LRRC7: variants seen among roughly 807,000 people sequenced by gnomAD.
The protein encoded by LRRC7 is leucine rich repeat containing 7.
A neutral mutation model predicts 175.7 loss-of-function variants in LRRC7; 23 were observed. That is an observed-to-expected ratio of 0.13 (90% CI 0.09 to 0.19). The LOEUF (loss-of-function observed/expected upper bound fraction) is 0.19. Ranked by LOEUF, LRRC7 falls within the 10% of genes least tolerant of loss-of-function variation. LRRC7 has a pLI of 1.00. For missense variants in LRRC7, 1,354 were observed against 1,904.7 expected (o/e 0.71, Z 5.38); for synonymous variants, 685 against 680.9 (o/e 1.01, Z -0.09).
chr1:69,760,520 T>A, intron 3 of LRRC7, 127 bp downstream of exon 3: 1 of 754,432 alleles, frequency 1.3e-6, no homozygotes, highest in Non-Finnish European at 2.2e-6. Flanking sequence ...GAAATTGATA[T>A]AACTTCCCCC....
At chr1:69,788,533 A>G (rs1406439679) in intron 3 of LRRC7, among the ~76,000 whole-genome samples, 1 of 152,254 alleles carries the variant, frequency 6.6e-6, no homozygotes, top group Non-Finnish European at 1.5e-5. Context: ...GACTCATACC[A>G]TTCACTCCAA....
chr1:69,895,869 G>A (rs1022980974), intron 7 of LRRC7, among the ~76,000 whole-genome samples: 5 of 152,078 alleles, frequency 3.3e-5, no homozygotes, highest in East Asian at 3.9e-4. Context: ...AGATTTGGGC[G>A]ATTGCAAATA....
chr1:69,608,216 A>C (rs1647958232), intron 1 of LRRC7: 1 of 152,184 alleles, frequency 6.6e-6, no homozygotes, highest in South Asian at 2.1e-4. Flanking sequence ...TTTGTCATTT[A>C]CCAATTTCTG....
chr1:69,677,162 A>C (rs1008089439), intron 1 of LRRC7, among the ~76,000 whole-genome samples: 7 of 145,118 alleles, frequency 4.8e-5, no homozygotes, highest in African/African-American at 1.8e-4. Context: ...GTGTGTGTAG[A>C]TATATATGAG....
Position 69,788,338 on chromosome 1 carries a change from C to A in LRRC7, c.304-3705C>A, listed in dbSNP as rs1569871953. Among the ~76,000 whole-genome samples the A allele has an allele frequency of 2.0e-5, 3 of 152,162 alleles. No homozygotes were observed. The East Asian group carries it at 5.8e-4, about 29-fold the overall frequency. On this transcript the variant is annotated intron_variant, in intron 3 of 26. Transcript: ENST00000651989. ...TCAGAGCTCATTTTATACAATAAAG[C>A]AGTGAGTGAGTGTGAGGGTGTTTAG...
rs1252458393 is a variant in LRRC7, at chr1:70,134,985, GGT to G, written c.*13099_*13100del. 6.6e-6 allele frequency among the ~76,000 whole-genome samples: 1 copy of G among 151,952 alleles called. No individual in the cohort carries two copies. The highest frequency in any genetic ancestry group is 2.4e-5 in the African/African-American group (1 of 41,374). Reference sequence around the variant, plus strand: ...TATTTTCCATAACCTTTTAATGATAGGTTTAGTTGTAAAATCCAGAACTATTT... The same window carrying G: ...TATTTTCCATAACCTTTTAATGATAGTTAGTTGTAAAATCCAGAACTATTT... On this transcript the variant is annotated 3_prime_UTR_variant, in exon 27 of 27. Coordinates refer to ENST00000651989, the MANE Select transcript of LRRC7 (RefSeq NM_001370785.2).
Position 69,986,300 on chromosome 1 carries a change from C to T in LRRC7, c.845C>T (p.Thr282Ile). 1 of 1,613,300 alleles carries T rather than the reference C, an allele frequency of 6.2e-7. No homozygotes were observed. Among genetic ancestry groups the T allele is most frequent in the Non-Finnish European group, 8.5e-7 (1 of 1,179,518 alleles). Reference protein sequence around the residue: ...YLDMSKNRIETVDMDISGCEA... With the variant: ...YLDMSKNRIEIVDMDISGCEA... ...GATATGTCAAAAAACAGAATAGAAA[C>T]AGTTGACATGGACATTTCTGGATGT... The change falls in exon 10 of 27, where the codon ACA (threonine) becomes ATA (isoleucine). Residue 282 changes from threonine (T) to isoleucine (I), a missense_variant. Physicochemically the swap from Thr to Ile is moderately conservative, Grantham distance 89. Around this residue, in one of 4 missense-constraint regions of LRRC7, gnomAD observed 201 missense variants for 481.4 expected, o/e 0.42. Transcript: ENST00000651989.
intron 7 of LRRC7, among the ~76,000 whole-genome samples, chr1:69,846,302 T>C (rs938960459): frequency 9.9e-5 from 15 of 152,076 alleles, no homozygotes; most frequent in African/African-American, 3.6e-4. Context: ...AGAATGATAA[T>C]ATTATGGTTA....
rs147212817 is a variant in LRRC7, at chr1:70,130,663, T to C, written c.*8776T>C. Among the ~76,000 whole-genome samples, 324 of 152,364 alleles carry C rather than the reference T, an allele frequency of 2.1e-3. 1 individual carries two copies. The highest frequency in any genetic ancestry group is 6.7e-3 in the African/African-American group (279 of 41,584). On this transcript the variant is annotated 3_prime_UTR_variant, in exon 27 of 27. Transcript: ENST00000651989. The stretch of plus-strand genomic sequence containing the variant: ...CAAAAAGTTTAAGAAGTGGCTTTTA[T>C]TTAATTGGAGCACACCATATCTATC...
intron 2 of LRRC7, among the ~76,000 whole-genome samples, chr1:69,735,906 C>A (rs1668062960): frequency 6.6e-6 from 1 of 151,900 alleles, no homozygotes; most frequent in Non-Finnish European, 1.5e-5. Flanking sequence ...CCACCCCACA[C>A]ATTATCACTA....
At chr1:69,726,936 G>A (rs866131206) in intron 2 of LRRC7, among the ~76,000 whole-genome samples, 6 of 152,300 alleles carry the variant, frequency 3.9e-5, no homozygotes, top group Middle Eastern at 6.8e-3. Context: ...TCTTAGGTCA[G>A]ATTCCTTGGA....
intron 8 of LRRC7, among the ~76,000 whole-genome samples, chr1:69,972,302 A>G (rs1447279470): frequency 1.3e-5 from 2 of 152,266 alleles, no homozygotes; most frequent in Non-Finnish European, 2.9e-5. Flanking sequence ...GAGCTTTTGC[A>G]TACAAAAGAA....
chr1:69,946,632 C>A (rs1291891912), intron 8 of LRRC7, among the ~76,000 whole-genome samples: 2 of 145,282 alleles, frequency 1.4e-5, no homozygotes, highest in Admixed American at 6.8e-5. Flanking sequence ...GGTGAATGAA[C>A]CCCTTTATCA....
chr1:70,018,851 A>G (rs1251634554), intron 15 of LRRC7, 33 bp downstream of exon 15: 2 of 1,488,924 alleles, frequency 1.3e-6, no homozygotes, highest in Non-Finnish European at 1.9e-6. Context: ...TTCTCTACTT[A>G]TAATGATTAT....
chr1:70,025,135 A>T (rs915494966), intron 17 of LRRC7, among the ~76,000 whole-genome samples: 1 of 151,990 alleles, frequency 6.6e-6, no homozygotes, highest in Admixed American at 6.6e-5. Context: ...AGTTACTTAC[A>T]TGGTCTGAGC....
At chr1:69,811,925 A>T (rs1287266391) in intron 4 of LRRC7, among the ~76,000 whole-genome samples, 1 of 152,138 alleles carries the variant, frequency 6.6e-6, no homozygotes, top group Non-Finnish European at 1.5e-5. Context: ...ATAATAAAAA[A>T]TTTTTAAAAA....
At chr1:69,866,690 C>A (rs985175534) in intron 7 of LRRC7, among the ~76,000 whole-genome samples, 2 of 151,420 alleles carry the variant, frequency 1.3e-5, no homozygotes, top group African/African-American at 4.8e-5. Context: ...TCATTCAAAG[C>A]AAAGTTTCCC....
In LRRC7 at chr1:70,018,937, C is replaced by A. The variant is rs755587817; in HGVS notation, c.1420+119C>A. 6.4e-6 allele frequency: 4 copies of A among 626,724 alleles called. 1 individual carries two copies. In the South Asian group the frequency reaches 7.4e-5, roughly 12 times the overall value. The allele number at this position is 626,724 out of a possible 1,614,324, so 38.8% of individuals were successfully genotyped here. On this transcript the variant is annotated intron_variant, in intron 15 of 26. Coordinates refer to ENST00000651989, the MANE Select transcript of LRRC7 (RefSeq NM_001370785.2). ...ATGGACAAGCTTATAAAGATAATTA[C>A]ATGACACACAAATATCATTTGGGGA...
chr1:70,080,186 G>A (rs1456094986), intron 24 of LRRC7, among the ~76,000 whole-genome samples: 1 of 152,074 alleles, frequency 6.6e-6, no homozygotes, highest in Non-Finnish European at 1.5e-5. Flanking sequence ...GCTTTGAAAA[G>A]AAAAAGCTAC....
Sources: gnomAD v4.1 joint callset for allele counts (sites outside exome capture counted in the v4.1 genomes callset) on GRCh38, gnomAD v4.1.1 for gene constraint, gnomAD v4.1.1 regional missense constraint, MANE v1.5 for transcripts, NCBI Gene and HGNC (gene_info 2026-07-23, HGNC 2026-07-21) for gene names.